The following STXBP4 variants were observed in gnomAD, a reference collection of about 807,000 sequenced individuals.
STXBP4 encodes syntaxin-binding protein 4.
A neutral mutation model predicts 76.1 loss-of-function variants in STXBP4; 55 were observed. The observed-to-expected ratio is 0.72, with a 90% CI of 0.58 to 0.91. The LOEUF is 0.91. Ranked by LOEUF, STXBP4 falls within the 40% of genes least tolerant of loss-of-function variation. The probability of loss-of-function intolerance (pLI) is 0.00; values close to 1 mark genes in which losing one functional copy is unlikely to be tolerated. For missense variants in STXBP4, 618 were observed against 636.9 expected (o/e 0.97, Z 0.32); for synonymous variants, 201 against 220.2 (o/e 0.91, Z 0.77).
intron 8 of STXBP4, among the ~76,000 whole-genome samples, chr17:55,024,726 G>A (rs1439173530): frequency 3.9e-5 from 6 of 152,130 alleles, no homozygotes; most frequent in African/African-American, 7.2e-5. Flanking sequence ...TAAAAGAACT[G>A]ATAAATCCAT....
chr17:54,990,500 G>C (rs1409315752), intron 3 of STXBP4, among the ~76,000 whole-genome samples: 1 of 152,138 alleles, frequency 6.6e-6, no homozygotes, highest in African/African-American at 2.4e-5. Context: ...GGACTGTCTA[G>C]TTGCAGGAAA....
intron 1 of STXBP4, among the ~76,000 whole-genome samples, chr17:54,970,182 A>T (rs191990696): frequency 1.3e-5 from 2 of 152,368 alleles, no homozygotes; most frequent in African/African-American, 2.4e-5. Flanking sequence ...CAGGTAACAA[A>T]GGCCTGGTAA....
chr17:55,011,250 T>A (rs189344920), intron 8 of STXBP4, among the ~76,000 whole-genome samples: 149 of 152,002 alleles, frequency 9.8e-4, no homozygotes, highest in African/African-American at 3.2e-3. Flanking sequence ...TAATTTTTTT[T>A]AAATTTCTTT....
chr17:55,078,099 A>G lies in STXBP4; in HGVS notation c.1210A>G (p.Lys404Glu). Residue 404 changes from lysine to glutamate, a missense_variant, in exon 14 of 18, where the codon AAG (lysine) becomes GAG (glutamate). By Grantham distance (56) the Lys-to-Glu change is moderately conservative (BLOSUM62 1). Coordinates refer to ENST00000376352, the MANE Select transcript of STXBP4 (RefSeq NM_178509.6). ...GCAGGAAAGTGTTCAGGATTTAAAAAAGAGAATCATGGTACTCGACTGCCA... is the reference window on the plus strand; with the variant it reads ...GCAGGAAAGTGTTCAGGATTTAAAAGAGAGAATCATGGTACTCGACTGCCA... ...QNKESVQDLK[K>E]RIMVLDCQLR... 1.9e-6 allele frequency: 3 copies of G among 1,610,202 alleles called. No homozygotes were observed. Among genetic ancestry groups the G allele is most frequent in the Non-Finnish European group, 2.5e-6 (3 of 1,178,360 alleles).
chr17:55,012,878 A>G (rs1184978483), intron 8 of STXBP4, among the ~76,000 whole-genome samples: 2 of 152,194 alleles, frequency 1.3e-5, no homozygotes, highest in African/African-American at 4.8e-5. Flanking sequence ...GGTTTGAGAA[A>G]TTATTTGTTG....
At chr17:55,059,637 C>G in intron 12 of STXBP4, among the ~76,000 whole-genome samples, 1 of 152,082 alleles carries the variant, frequency 6.6e-6, no homozygotes, top group African/African-American at 2.4e-5. Context: ...CCTTTCTACT[C>G]AGAGTGGTCA....
intron 8 of STXBP4, among the ~76,000 whole-genome samples, chr17:55,021,009 T>C (rs992323829): frequency 6.6e-6 from 1 of 152,154 alleles, no homozygotes; most frequent in African/African-American, 2.4e-5. Context: ...ATTGTACTTA[T>C]CGCTATAGTT....
rs115138312 is a variant in STXBP4 at position 55,017,656 on chromosome 17, T to A, written c.666+10059T>A. ...GCATGGGCGACTGTTGAATAGAGAC[T>A]TCTGGCTGTGCCATGATCTCAACTG... On this transcript the variant is annotated intron_variant, in intron 8 of 17. Coordinates refer to ENST00000376352, the MANE Select transcript of STXBP4 (RefSeq NM_178509.6). Among the ~76,000 whole-genome samples, 1,062 of 152,310 alleles carry A rather than the reference T, an allele frequency of 7.0e-3. 14 individuals are homozygous for A. Among genetic ancestry groups the A allele is most frequent in the African/African-American group, 0.024 (1,003 of 41,572 alleles).
chr17:55,034,586 C>G (rs544471980), intron 10 of STXBP4, among the ~76,000 whole-genome samples: 1 of 152,114 alleles, frequency 6.6e-6, no homozygotes, highest in East Asian at 1.9e-4. Flanking sequence ...TGTTTTATCT[C>G]TCTATAATAT....
At chr17:54,978,843 A>G (rs1224378975) in intron 1 of STXBP4, among the ~76,000 whole-genome samples, 1 of 152,190 alleles carries the variant, frequency 6.6e-6, no homozygotes, top group East Asian at 1.9e-4. Context: ...TTTTTAATAA[A>G]TGTAATTTTA....
intron 8 of STXBP4, among the ~76,000 whole-genome samples, chr17:55,026,400 A>G (rs116021867): frequency 6.6e-6 from 1 of 152,322 alleles, no homozygotes; most frequent in African/African-American, 2.4e-5. Context: ...CCTTGGAAAG[A>G]CAAAATAGTG....
rs908506326 is a variant in STXBP4 at position 55,169,897 on chromosome 17, C to A, written c.*9986C>A. On this transcript the variant is annotated 3_prime_UTR_variant, in exon 18 of 18. Transcript: ENST00000376352. ...TGAACCTTTAAGGCTGTGGACAATG[C>A]AAACTCCCTCATGTACCTTGCTCCT... 6.6e-6 allele frequency: 1 copy of A among 152,192 alleles called. No individual in the cohort carries two copies. Among genetic ancestry groups the A allele is most frequent in the African/African-American group, 2.4e-5 (1 of 41,438 alleles). 9.4% of individuals were successfully genotyped at this position (152,192 alleles called of 1,614,324 possible). A position where few individuals can be genotyped will look rare whatever the true frequency, so the allele number is the denominator to read the frequency against.
In STXBP4 at chr17:55,167,125, C is replaced by A. The variant is rs560807172; in HGVS notation, c.*7214C>A. 1 of 152,230 alleles carries A rather than the reference C, an allele frequency of 6.6e-6. No individual in the cohort carries two copies. The highest frequency in any genetic ancestry group is 2.1e-4 in the South Asian group (1 of 4,816). 9.4% of individuals were successfully genotyped at this position (152,230 alleles called of 1,614,324 possible). A position where few individuals can be genotyped will look rare whatever the true frequency, so the allele number is the denominator to read the frequency against. On this transcript the variant is annotated 3_prime_UTR_variant, in exon 18 of 18. Coordinates refer to ENST00000376352, the MANE Select transcript of STXBP4 (RefSeq NM_178509.6). The stretch of plus-strand genomic sequence containing the variant: ...CCAACTCTGAAATCCTACCGCAGTC[C>A]CCTATTGCTGCATACCTTTTAATAA...
chr17:55,180,175 G>A, the STXBP4 span, among the ~76,000 whole-genome samples: 1 of 152,126 alleles, frequency 6.6e-6, no homozygotes, highest in Non-Finnish European at 1.5e-5. Flanking sequence ...TCATTATGAA[G>A]GTTAAGGAGG....
chr17:55,178,291 C>T (rs539145064), downstream of STXBP4, among the ~76,000 whole-genome samples: 2 of 152,308 alleles, frequency 1.3e-5, no homozygotes, highest in South Asian at 4.1e-4. Flanking sequence ...GGTTCTTCAG[C>T]GTGGGCATTA....
At chr17:55,108,426 T>C (rs1239637017) in intron 16 of STXBP4, among the ~76,000 whole-genome samples, 2 of 152,118 alleles carry the variant, frequency 1.3e-5, no homozygotes, top group Non-Finnish European at 2.9e-5. Flanking sequence ...CAGTTCTGTC[T>C]CACTGGTGTT....
chr17:55,013,704 A>T lies in STXBP4; in HGVS notation c.666+6107A>T, dbSNP rs538894099. On this transcript the variant is annotated intron_variant, in intron 8 of 17. Transcript: ENST00000376352. ...GGTTTCTGAACAGGCAGCTAAAAGT[A>T]AATCATCCACATACTGAAGGACAAG... 1.2e-4 allele frequency among the ~76,000 whole-genome samples: 18 copies of T among 152,360 alleles called. 2 individuals carry two copies. Among genetic ancestry groups the T allele is most frequent in the African/African-American group, 4.3e-4 (18 of 41,570 alleles).
intron 12 of STXBP4, among the ~76,000 whole-genome samples, chr17:55,066,320 TTCA>T (rs1402607811): frequency 4.6e-5 from 7 of 152,056 alleles, no homozygotes; most frequent in African/African-American, 1.7e-4. Flanking sequence ...ACCTCTCAAA[TTCA>T]AGAGATTCTT....
chr17:55,067,294 G>A (rs1019912784), intron 12 of STXBP4, among the ~76,000 whole-genome samples: 7 of 151,950 alleles, frequency 4.6e-5, no homozygotes, highest in East Asian at 1.9e-4. Context: ...AATTACAGAC[G>A]ACAAATCTAA....
Sources: gnomAD v4.1 joint callset for allele counts (sites outside exome capture counted in the v4.1 genomes callset) on GRCh38, gnomAD v4.1.1 for gene constraint, MANE v1.5 for transcripts, NCBI Gene and HGNC (gene_info 2026-07-23, HGNC 2026-07-21) for gene names.